The following ACTR5 variants were observed in gnomAD, a reference collection of about 807,000 sequenced individuals.
The protein encoded by ACTR5 is actin related protein 5.
In ACTR5, 43 loss-of-function variants were observed where a neutral mutation model predicts 61.2. The observed-to-expected ratio is 0.70, with a 90% CI of 0.55 to 0.91. ACTR5 has a LOEUF of 0.91. Among genes scored for constraint, ACTR5 ranks in the 40% least tolerant of loss-of-function variants. The pLI is 0.00. For missense variants in ACTR5, 798 were observed against 782.2 expected, an observed-to-expected ratio of 1.02 and a Z score of -0.24; for synonymous variants, 333 against 310.5, an observed-to-expected ratio of 1.07 and a Z score of -0.76.
rs763630364 is a variant in ACTR5 at position 38,755,001 on chromosome 20, C to T, written c.820C>T (p.His274Tyr). The change falls in exon 4 of 9, where the codon CAC (histidine) becomes TAC (tyrosine). Residue 274 changes from histidine to tyrosine, a missense_variant. Physicochemically the swap from His to Tyr is moderately conservative, Grantham distance 83. Coordinates refer to ENST00000243903, the MANE Select transcript of ACTR5 (RefSeq NM_024855.4). The part of the protein sequence containing the change: ...RCPDYYENNV[H>Y]KMQLPFSSKL... The stretch of plus-strand genomic sequence containing the variant: ...TCCTGATTATTATGAGAATAATGTC[C>T]ACAAGATGCAGCTCCCATTTTCCAG... 6.8e-6 allele frequency: 11 copies of T among 1,614,072 alleles called. No individual in the cohort carries two copies. In the South Asian group the frequency reaches 9.9e-5, roughly 14 times the overall value.
intron 5 of ACTR5, among the ~76,000 whole-genome samples, chr20:38,762,457 T>G (rs2084460735): frequency 6.6e-6 from 1 of 152,194 alleles, no homozygotes; most frequent in Non-Finnish European, 1.5e-5. Flanking sequence ...CCACTGAGAC[T>G]CAAGGGGAGG....
chr20:38,752,333 G>T, intron 3 of ACTR5, 33 bp downstream of exon 3: 1 of 1,568,700 alleles, frequency 6.4e-7, no homozygotes, highest in Non-Finnish European at 8.7e-7. Flanking sequence ...GCAGCTTTTG[G>T]GTGTTGTCTA....
Position 38,766,395 on chromosome 20 carries a change from C to A in ACTR5, c.1433+18C>A. The A allele has an allele frequency of 6.4e-7, 1 of 1,562,570 alleles. No homozygotes were observed. Among genetic ancestry groups the A allele is most frequent in the South Asian group, 1.2e-5 (1 of 83,296 alleles). ...CTGGACAGGTGAGACAGCGAATCTG[C>A]TTTTCCTTCTATCTTCCTGAACCAT... On this transcript the variant is annotated intron_variant, in intron 7 of 8. Coordinates refer to ENST00000243903, the MANE Select transcript of ACTR5 (RefSeq NM_024855.4).
rs767625308 is a variant in ACTR5, at chr20:38,755,128, A to G, written c.947A>G (p.Lys316Arg). Residue 316 changes from lysine to arginine, a missense_variant, in exon 4 of 9, where the codon AAG becomes AGG. Coordinates refer to ENST00000243903, the MANE Select transcript of ACTR5 (RefSeq NM_024855.4). ...CTCAATGCCCGGCGGCGGGAGGAGA[A>G]GCTGCAGCTGGATCAGGAGCGTCTG... is the stretch of plus-strand genomic sequence containing the variant. The part of the protein sequence containing the change: ...QELNARRREE[K>R]LQLDQERLDR... The G allele has an allele frequency of 5.6e-6, 9 of 1,613,842 alleles. No homozygotes were observed. In the Admixed American group the frequency reaches 6.7e-5, roughly 12 times the overall value.
chr20:38,752,138 G>C lies in ACTR5; in HGVS notation c.613G>C (p.Ala205Pro), dbSNP rs765959335. 4.3e-6 allele frequency: 7 copies of C among 1,612,882 alleles called. No individual in the cohort carries two copies. In the South Asian group the frequency reaches 6.6e-5, roughly 15 times the overall value. Residue 205 changes from alanine (A) to proline (P), a missense_variant, in exon 3 of 9, where the codon GCT becomes CCT. Coordinates refer to ENST00000243903, the MANE Select transcript of ACTR5 (RefSeq NM_024855.4). ...VLPILEGRLD[A>P]KNCKRINLGG... Reference sequence around the variant, plus strand: ...TCTACTGCTTGGTTATAGATTAGATGCTAAAAACTGCAAGCGCATCAATCT... The same window carrying C: ...TCTACTGCTTGGTTATAGATTAGATCCTAAAAACTGCAAGCGCATCAATCT...
At chr20:38,768,125 A>T (rs2084499151) in intron 8 of ACTR5, among the ~76,000 whole-genome samples, 1 of 152,088 alleles carries the variant, frequency 6.6e-6, no homozygotes, top group Non-Finnish European at 1.5e-5. Flanking sequence ...TGTCGTGTAC[A>T]TTCAGGGGGG....
rs2084418182 is a variant in ACTR5 at position 38,756,017 on chromosome 20, A to ATG, written c.1157_1158dup (p.Val387TrpfsTer2). On this transcript the variant is annotated frameshift_variant, in exon 5 of 9. Transcript: ENST00000243903. LOFTEE classifies it high-confidence loss of function. ...CAAGCGGAAGTCAACCTCGAGGTGG[A>ATG]TGTGGTAGACAGCAAGCCAGAGGTA... The ATG allele has an allele frequency of 6.2e-7, 1 of 1,613,036 alleles. No individual in the cohort carries two copies. Among genetic ancestry groups the ATG allele is most frequent in the African/African-American group, 1.3e-5 (1 of 74,876 alleles).
chr20:38,762,027 G>T (rs1017556321), intron 5 of ACTR5, among the ~76,000 whole-genome samples: 3 of 152,210 alleles, frequency 2.0e-5, no homozygotes. Context: ...AAACTTAGCA[G>T]CATAAAACAG....
intron 5 of ACTR5, among the ~76,000 whole-genome samples, chr20:38,764,287 C>CA (rs2084472412): frequency 2.0e-5 from 3 of 152,136 alleles, no homozygotes; most frequent in African/African-American, 7.2e-5. Flanking sequence ...TGAACCCTCC[C>CA]AAGACACTAC....
At chr20:38,762,854 T>G (rs1292628644) in intron 5 of ACTR5, among the ~76,000 whole-genome samples, 1 of 152,230 alleles carries the variant, frequency 6.6e-6, no homozygotes, top group Non-Finnish European at 1.5e-5. Flanking sequence ...CACCTGTTAC[T>G]TGGGGAATCA....
rs753222436 is a variant in ACTR5 at position 38,765,444 on chromosome 20, G to C, written c.1219G>C (p.Glu407Gln). ...EQLEPSLEDVESMNDFDPLFS... is the reference protein window; with the variant it reads ...EQLEPSLEDVQSMNDFDPLFS... ...GCTGGAGCCGTCTTTGGAAGATGTG[G>C]AAAGCATGAATGATTTTGATCCCTT... The change falls in exon 6 of 9, where the codon GAA becomes CAA. Residue 407 changes from glutamate to glutamine, a missense_variant. Transcript: ENST00000243903. 1.2e-6 allele frequency: 2 copies of C among 1,614,164 alleles called. No individual in the cohort carries two copies. The highest frequency in any genetic ancestry group is 8.5e-7 in the Non-Finnish European group (1 of 1,180,016).
At chr20:38,770,982 T>G (rs1042834898) in intron 8 of ACTR5, among the ~76,000 whole-genome samples, 1 of 152,040 alleles carries the variant, frequency 6.6e-6, no homozygotes, top group African/African-American at 2.4e-5. Flanking sequence ...GAAGCTGCAG[T>G]GTTACCATAA....
chr20:38,752,812 A>G (rs2757518), intron 3 of ACTR5, among the ~76,000 whole-genome samples: 36,678 of 152,182 alleles, frequency 0.24, 4,571 homozygotes, highest in Middle Eastern at 0.35. Flanking sequence ...ACTACGGACA[A>G]TGCCACTGTG....
chr20:38,753,160 T>C (rs1308507988), intron 3 of ACTR5, among the ~76,000 whole-genome samples: 1 of 152,194 alleles, frequency 6.6e-6, no homozygotes, highest in Non-Finnish European at 1.5e-5. Flanking sequence ...CACACAGCTC[T>C]CCGTGCTCCC....
At chr20:38,753,112 C>T (rs1337235386) in intron 3 of ACTR5, among the ~76,000 whole-genome samples, 1 of 152,188 alleles carries the variant, frequency 6.6e-6, no homozygotes, top group Non-Finnish European at 1.5e-5. Context: ...GACACTCAGT[C>T]CGGAGAGTTA....
intron 1 of ACTR5, among the ~76,000 whole-genome samples, chr20:38,749,392 G>A (rs1167197828): frequency 6.6e-6 from 1 of 152,180 alleles, no homozygotes; most frequent in Non-Finnish European, 1.5e-5. Context: ...CAGGCAGAGG[G>A]AGCAGCCAGT....
Position 38,754,153 on chromosome 20 carries a change from G to A in ACTR5, c.776-804G>A, listed in dbSNP as rs542503850. 3.3e-5 allele frequency among the ~76,000 whole-genome samples: 5 copies of A among 152,288 alleles called. No individual in the cohort carries two copies. The South Asian group carries it at 1.0e-3, about 32-fold the overall frequency. ...ATTTTTACTTTCAGTTGTCAAATAG[G>A]TTTTAAAGAACTCGTAAGGAGATTA... On this transcript the variant is annotated intron_variant, in intron 3 of 8. Transcript: ENST00000243903.
chr20:38,755,601 CAA>C (rs879421509), intron 4 of ACTR5, among the ~76,000 whole-genome samples: 4 of 141,270 alleles, frequency 2.8e-5, no homozygotes, highest in African/African-American at 2.6e-5. Flanking sequence ...CCCGCCCCAC[CAA>C]AAAAAAAAAG....
At chr20:38,762,206 C>T (rs1450701720) in intron 5 of ACTR5, among the ~76,000 whole-genome samples, 1 of 152,138 alleles carries the variant, frequency 6.6e-6, no homozygotes, top group Non-Finnish European at 1.5e-5. Flanking sequence ...GCTGGGAGGA[C>T]TCAAGGTCTG....
Sources: allele counts gnomAD v4.1 joint callset (sites outside exome capture counted in the v4.1 genomes callset), GRCh38; gene constraint gnomAD v4.1.1; transcripts MANE v1.5; gene names NCBI Gene and HGNC (gene_info 2026-07-23, HGNC 2026-07-21).